Variants in PVR observed in about 807,000 individuals in gnomAD.
PVR encodes the protein poliovirus receptor.
A neutral mutation model predicts 43.3 loss-of-function variants in PVR; 39 were observed. The observed-to-expected ratio is 0.90, with a 90% confidence interval of 0.70 to 1.18. PVR has a LOEUF of 1.18. Among genes scored for constraint, PVR ranks in the 50% most tolerant of loss-of-function variants. PVR has a pLI of 0.00. For missense variants in PVR, 480 were observed against 549.7 expected, an observed-to-expected ratio of 0.87 and a Z score of 1.27; for synonymous variants, 224 against 233.2, an observed-to-expected ratio of 0.96 and a Z score of 0.36.
In PVR at chr19:44,647,645, C is replaced by T. The variant is rs556841744; in HGVS notation, c.427+75C>T. ...GAGGATCAGGGAAGTTGGCAAAGAG[C>T]GGGGAGGCCTGGGAGGGAGGGAGAT... On this transcript the variant is annotated intron_variant, in intron 2 of 7. Transcript: ENST00000425690. The T allele has an allele frequency of 5.0e-5, 54 of 1,072,170 alleles. No homozygotes were observed. The Admixed American group carries it at 6.6e-4, about 13-fold the overall frequency. 66.4% of individuals were successfully genotyped at this position (1,072,170 alleles called of 1,614,324 possible).
chr19:44,654,160 G>A, intron 4 of PVR, 143 bp downstream of exon 4: 1 of 637,876 alleles, frequency 1.6e-6, no homozygotes, highest in Admixed American at 2.9e-5. Context: ...CGAGAGGCTG[G>A]GAGCCCGGAC....
intron 2 of PVR, among the ~76,000 whole-genome samples, chr19:44,649,523 G>A (rs1973219903): frequency 6.9e-6 from 1 of 145,692 alleles, no homozygotes; most frequent in Non-Finnish European, 1.5e-5. Context: ...TCCGCCTCCC[G>A]AGTTCAAGCA....
chr19:44,657,415 G>A (rs1973476207), intron 4 of PVR, among the ~76,000 whole-genome samples: 1 of 152,178 alleles, frequency 6.6e-6, no homozygotes, highest in Non-Finnish European at 1.5e-5. Flanking sequence ...GTTCACAGGC[G>A]ACCTCTGGTG....
chr19:44,650,369 T>A (rs1973248093), intron 3 of PVR, among the ~76,000 whole-genome samples: 1 of 152,086 alleles, frequency 6.6e-6, no homozygotes, highest in African/African-American at 2.4e-5. Flanking sequence ...CTAGCGGCTG[T>A]CTGCACGGAT....
intron 1 of PVR, among the ~76,000 whole-genome samples, chr19:44,645,413 GTGTA>G (rs1355427508): frequency 2.5e-4 from 13 of 52,090 alleles, no homozygotes; most frequent in African/African-American, 9.0e-4. Context: ...TATATGTTTT[GTGTA>G]TATATATATA....
At chr19:44,650,249 A>C in intron 3 of PVR, 144 bp downstream of exon 3, 1 of 714,524 alleles carries the variant, frequency 1.4e-6, no homozygotes, top group Non-Finnish European at 2.1e-6. Context: ...ACCCACCCCC[A>C]TTGTCTGCAC....
At chr19:44,659,873 A>G (rs985587894) in intron 6 of PVR, among the ~76,000 whole-genome samples, 23 of 152,180 alleles carry the variant, frequency 1.5e-4, no homozygotes, top group African/African-American at 5.3e-4. Flanking sequence ...GCTTTGAGAG[A>G]TGAAGTTACC....
At position 44,661,944 on chromosome 19, in the gene PVR, G is replaced by A. The variant is rs1275091782; in HGVS notation, c.*133G>A. 5.2e-6 allele frequency: 4 copies of A among 773,014 alleles called. No individual in the cohort carries two copies. Among genetic ancestry groups the A allele is most frequent in the Non-Finnish European group, 6.4e-6 (3 of 471,594 alleles). The allele number at this position is 773,014 out of a possible 1,614,324, so 47.9% of individuals were successfully genotyped here. A position where few individuals can be genotyped will look rare whatever the true frequency, so the allele number is the denominator to read the frequency against. On this transcript the variant is annotated 3_prime_UTR_variant, in exon 8 of 8. Coordinates refer to ENST00000425690, the MANE Select transcript of PVR (RefSeq NM_006505.5). ...CCCTCCCTGTGCCAGACCTCAAAACGACGGGGGCAGGTGCAAGTTCATAGG... is the reference window on the plus strand; with the variant it reads ...CCCTCCCTGTGCCAGACCTCAAAACAACGGGGGCAGGTGCAAGTTCATAGG...
In PVR at chr19:44,663,972, A is replaced by G. The variant is rs1207054125; in HGVS notation, c.*2161A>G. ...CGTCCCAAAATTAGAAGATAAAAAG[A>G]CATGAGGGATCCATTCTAATTTGTG... On this transcript the variant is annotated 3_prime_UTR_variant, in exon 8 of 8. Coordinates refer to ENST00000425690, the MANE Select transcript of PVR (RefSeq NM_006505.5). Among the ~76,000 whole-genome samples, 1 of 152,106 alleles carries G rather than the reference A, an allele frequency of 6.6e-6. No individual in the cohort carries two copies. Among genetic ancestry groups the G allele is most frequent in the Admixed American group, 6.6e-5 (1 of 15,248 alleles).
intron 2 of PVR, among the ~76,000 whole-genome samples, chr19:44,649,024 G>A (rs1051885795): frequency 1.3e-5 from 2 of 152,180 alleles, no homozygotes; most frequent in Non-Finnish European, 2.9e-5. Flanking sequence ...ACAGCTGTGT[G>A]ACCATGGGCA....
chr19:44,659,585 C>T (rs914668155), intron 6 of PVR, among the ~76,000 whole-genome samples: 3 of 152,238 alleles, frequency 2.0e-5, no homozygotes, highest in East Asian at 1.9e-4. Flanking sequence ...CAGGTTCAAG[C>T]GATTCTCATG....
rs183307872 is a variant in PVR, at chr19:44,651,971, T to C, written c.724+1866T>C. Among the ~76,000 whole-genome samples, 223 of 151,540 alleles carry C rather than the reference T, an allele frequency of 1.5e-3. 1 individual carries two copies. Among genetic ancestry groups the C allele is most frequent in the Non-Finnish European group, 2.9e-3 (200 of 67,836 alleles). On this transcript the variant is annotated intron_variant, in intron 3 of 7. Transcript: ENST00000425690. ...AGGCATTCAAGACCAGCCTGATCAA[T>C]GTGGTGAAACTCTGTCTTCACTAAA... is the stretch of plus-strand genomic sequence containing the variant.
chr19:44,653,911 G>A lies in PVR; in HGVS notation c.736G>A (p.Val246Ile). The change falls in exon 4 of 8, where the codon GTA becomes ATA. Residue 246 changes from valine (V) to isoleucine (I), a missense_variant. Coordinates refer to ENST00000425690, the MANE Select transcript of PVR (RefSeq NM_006505.5). The stretch of plus-strand genomic sequence containing the variant: ...TCCATTTCCTGCAGACCCCCCAGAG[G>A]TATCCATCTCTGGCTATGATAACAA... Reference protein sequence around the residue: ...VNLTVYYPPEVSISGYDNNWY... With the variant: ...VNLTVYYPPEISISGYDNNWY... The A allele has an allele frequency of 6.2e-7, 1 of 1,610,276 alleles. No individual in the cohort carries two copies. The highest frequency in any genetic ancestry group is 8.5e-7 in the Non-Finnish European group (1 of 1,176,422).
At position 44,664,176 on chromosome 19, in the gene PVR, A is replaced by G. The variant is rs1225323949; in HGVS notation, c.*2365A>G. 1 of 151,990 alleles carries G rather than the reference A, an allele frequency of 6.6e-6. No individual in the cohort carries two copies. Among genetic ancestry groups the G allele is most frequent in the Non-Finnish European group, 1.5e-5 (1 of 67,996 alleles). The allele number at this position is 151,990 out of a possible 1,614,324, so 9.4% of individuals were successfully genotyped here. ...ATTAATTATACCAAAAAACCATTGA[A>G]TAGTGCACTTTATTTATTTATTTAT... On this transcript the variant is annotated 3_prime_UTR_variant, in exon 8 of 8. Transcript: ENST00000425690.
rs539060105 is a variant in PVR at position 44,647,349 on chromosome 19, A to G, written c.206A>G (p.His69Arg). ...THVSQLTWAR[H>R]GESGSMAVFH... ...GTGTCACAGCTGACTTGGGCGCGGC[A>G]TGGTGAATCTGGCAGCATGGCCGTC... Residue 69 changes from histidine (H) to arginine (R), a missense_variant, in exon 2 of 8, where the codon CAT (histidine) becomes CGT (arginine). His to Arg is a conservative substitution (Grantham distance 29, BLOSUM62 0). Transcript: ENST00000425690. The G allele has an allele frequency of 2.7e-5, 44 of 1,613,706 alleles. 1 individual carries two copies. The South Asian group carries it at 4.8e-4, about 18-fold the overall frequency.
In PVR at chr19:44,662,199, GCAAGAAGTACTGCCA is replaced by G; in HGVS notation, c.*389_*403del. 4.0e-5 allele frequency: 9 copies of G among 223,266 alleles called. No homozygotes were observed. Among genetic ancestry groups the G allele is most frequent in the South Asian group, 2.8e-4 (3 of 10,718 alleles). 13.8% of individuals were successfully genotyped at this position (223,266 alleles called of 1,614,324 possible). A position where few individuals can be genotyped will look rare whatever the true frequency, so the allele number is the denominator to read the frequency against. On this transcript the variant is annotated 3_prime_UTR_variant, in exon 8 of 8. Transcript: ENST00000425690. ...TTCTCACAGCAACATGTGACAACAT[GCAAGAAGTACTGCCA>G]ATACTGCCAACCAGAGCAGCTCACT...
At chr19:44,653,726 C>G (rs778484722) in intron 3 of PVR, 174 bp from the exon 4 acceptor site, 6 of 594,982 alleles carry the variant, frequency 1.0e-5, no homozygotes, top group African/African-American at 1.8e-5. Context: ...ACCAAGGACT[C>G]CTAGGCTTCT....
chr19:44,661,259 C>G (rs201876233), intron 6 of PVR, 33 bp from the exon 7 acceptor site: 2 of 1,602,824 alleles, frequency 1.2e-6, no homozygotes, highest in Non-Finnish European at 1.7e-6. Flanking sequence ...CAGCATTATT[C>G]CTTCCTGACG....
At chr19:44,653,854 C>T (rs1163427006) in intron 3 of PVR, 46 bp from the exon 4 acceptor site, 1 of 1,377,242 alleles carries the variant, frequency 7.3e-7, no homozygotes, top group South Asian at 1.2e-5. Context: ...GCCCCAGGCC[C>T]CCCAAAGCCT....
Sources: gnomAD v4.1 joint callset for allele counts (sites outside exome capture counted in the v4.1 genomes callset) on GRCh38, gnomAD v4.1.1 for gene constraint, MANE v1.5 for transcripts, NCBI Gene and HGNC (gene_info 2026-07-23, HGNC 2026-07-21) for gene names.